TICRR: variants seen among roughly 807,000 people sequenced by gnomAD.
TICRR encodes treslin.
In TICRR, 132 loss-of-function variants were observed where a neutral mutation model predicts 178.1. The ratio of observed to expected loss-of-function variants is 0.74; its 90% CI spans 0.64 to 0.86. TICRR has a LOEUF of 0.86. TICRR is among the 40% of genes least tolerant of loss of function. The pLI is 0.00. For synonymous variants in TICRR, 991 were observed against 900.7 expected (o/e 1.10, Z -1.79); for missense variants, 2,587 against 2,334.3 (o/e 1.11, Z -2.23).
intron 7 of TICRR, 48 bp downstream of exon 7, chr15:89,595,659 A>C (rs1302119207): frequency 4.9e-6 from 7 of 1,436,196 alleles, no homozygotes; most frequent in African/African-American, 1.4e-5. Context: ...CGCTTTTTTA[A>C]AAATAAAATT....
rs370078041 is a variant in TICRR at position 89,624,721 on chromosome 15, G to A, written c.4411G>A (p.Glu1471Lys). ...TEHVTLLSEA[E>K]HHGIGDLKSN... The stretch of plus-strand genomic sequence containing the variant: ...GCATGTCACTCTCCTCAGTGAAGCC[G>A]AACACCATGGCATTGGTGACTTGAA... The change falls in exon 20 of 22, where the codon GAA (glutamate) becomes AAA (lysine). Residue 1471 changes from glutamate (E) to lysine (K), a missense_variant. Glu to Lys is a moderately conservative substitution (Grantham distance 56). Transcript: ENST00000268138. 49 of 1,613,986 alleles carry A rather than the reference G, an allele frequency of 3.0e-5. No homozygotes were observed. In the East Asian group the frequency reaches 7.1e-4, roughly 23 times the overall value.
intron 21 of TICRR, among the ~76,000 whole-genome samples, 175 bp downstream of exon 21, chr15:89,626,236 G>A (rs1392543462): frequency 1.3e-5 from 2 of 152,174 alleles, no homozygotes. Context: ...ATTAGAACTT[G>A]TGTGCATGTG....
intron 13 of TICRR, 29 bp downstream of exon 13, chr15:89,602,921 A>G: frequency 3.9e-6 from 5 of 1,288,080 alleles, no homozygotes; most frequent in Non-Finnish European, 4.2e-6. Context: ...TTGAGATGAC[A>G]CAGTAAATAA....
rs901013150 is a variant in TICRR, at chr15:89,575,852, A to T, written c.266A>T (p.His89Leu). The T allele has an allele frequency of 6.3e-7, 1 of 1,585,298 alleles. No individual in the cohort carries two copies. The highest frequency in any genetic ancestry group is 1.3e-5 in the African/African-American group (1 of 74,314). ...ELEARLEDRA[H>L]LPGPAPRATH... ...GAGGCCAGGCTCGAGGATCGCGCCC[A>T]CCTGCCCGGCCCGGCGCCCAGGGCC... The change falls in exon 1 of 22, where the codon CAC (histidine) becomes CTC (leucine). Residue 89 changes from histidine (H) to leucine (L), a missense_variant. Transcript: ENST00000268138.
Position 89,625,404 on chromosome 15 carries a change from C to T in TICRR, c.5094C>T (p.Ser1698=), listed in dbSNP as rs988277052. Residue 1698 remains serine, a synonymous_variant, in exon 20 of 22, where the codon TCC becomes TCT. Coordinates refer to ENST00000268138, the MANE Select transcript of TICRR (RefSeq NM_152259.4). The part of the protein sequence containing the change: ...RKRAVGCGAG[S]SSGRGEVGAD... ...GGGCGGTGGGCTGTGGCGCCGGCTCCTCTTCCGGGAGGGGCGAGGTCGGTG... is the reference window on the plus strand; with the variant it reads ...GGGCGGTGGGCTGTGGCGCCGGCTCTTCTTCCGGGAGGGGCGAGGTCGGTG... 4 of 1,613,886 alleles carry T rather than the reference C, an allele frequency of 2.5e-6. No homozygotes were observed. Among genetic ancestry groups the T allele is most frequent in the East Asian group, 4.5e-5 (2 of 44,864 alleles).
rs1265161765 is a variant in TICRR at position 89,575,769 on chromosome 15, C to T, written c.183C>T (p.Arg61=). ...AGGGGGCGCGGAGCCGGCCGTCCCG[C>T]GTGTCTGACTTCCGCGAGCTGGGGT... The part of the protein sequence containing the change: ...DSQGARSRPS[R]VSDFRELGSR... Residue 61 remains arginine (R), a synonymous_variant, in exon 1 of 22, where the codon CGC becomes CGT. Transcript: ENST00000268138. The T allele has an allele frequency of 6.2e-7, 1 of 1,609,198 alleles. No homozygotes were observed.
Position 89,621,436 on chromosome 15 carries a change from G to T in TICRR, c.3198G>T (p.Lys1066Asn), listed in dbSNP as rs756678525. 3 of 1,613,960 alleles carry T rather than the reference G, an allele frequency of 1.9e-6. No homozygotes were observed. In the East Asian group the frequency reaches 6.7e-5, roughly 36 times the overall value. ...NSPVQSIRSP[K>N]SLLFGAMSEM... The stretch of plus-strand genomic sequence containing the variant: ...CAGTCCAAAGTATTCGGTCTCCCAA[G>T]AGTCTTCTTTTTGGGGCAATGTCTG... Residue 1066 changes from lysine to asparagine, a missense_variant, in exon 19 of 22, where the codon AAG becomes AAT. Coordinates refer to ENST00000268138, the MANE Select transcript of TICRR (RefSeq NM_152259.4).
chr15:89,582,791 C>T lies in TICRR; in HGVS notation c.760C>T (p.Gln254Ter). Residue 254 changes from glutamine to a stop codon, truncating the protein, a stop_gained, in exon 2 of 22, where the codon CAA becomes TAA. Coordinates refer to ENST00000268138, the MANE Select transcript of TICRR (RefSeq NM_152259.4). LOFTEE classifies it high-confidence loss of function. ...PSESFSWDFAQAGEMLLRSGI... is the reference protein window; with the variant it reads ...PSESFSWDFA ...TGAATCTTTCAGCTGGGATTTTGCT[C>T]AAGCTGGGGAAATGCTGCTCAGGAG... 1 of 1,614,176 alleles carries T rather than the reference C, an allele frequency of 6.2e-7. No individual in the cohort carries two copies. Among genetic ancestry groups the T allele is most frequent in the South Asian group, 1.1e-5 (1 of 91,080 alleles).
At chr15:89,617,689 CTTTTT>C (rs35732953) in intron 16 of TICRR, among the ~76,000 whole-genome samples, 5 of 98,770 alleles carry the variant, frequency 5.1e-5, no homozygotes, top group Admixed American at 2.2e-4. Context: ...ACCCAGCTAT[CTTTTT>C]TTTTTTTTTT....
intron 10 of TICRR, 31 bp from the exon 11 acceptor site, chr15:89,601,458 C>CTA (rs749782964): frequency 1.7e-4 from 277 of 1,613,254 alleles, no homozygotes; most frequent in Non-Finnish European, 2.2e-4. Flanking sequence ...CAGAGGGCAT[C>CTA]TATATAGTAA....
chr15:89,625,957 G>A lies in TICRR; in HGVS notation c.5498G>A (p.Cys1833Tyr). The stretch of plus-strand genomic sequence containing the variant: ...TTAGGCTCCACCCCACCTCCCAGCT[G>A]TGCCGTGCGGAGCTGCCTCTCTGCC... ...FVSGSTPPPSCAVRSCLSASA... is the reference protein window; with the variant it reads ...FVSGSTPPPSYAVRSCLSASA... The change falls in exon 21 of 22, where the codon TGT becomes TAT. Residue 1833 changes from cysteine (C) to tyrosine (Y), a missense_variant. Physicochemically the swap from Cys to Tyr is radical, Grantham distance 194 (BLOSUM62 -2). Transcript: ENST00000268138. 1.3e-6 allele frequency: 2 copies of A among 1,588,270 alleles called. No homozygotes were observed. The highest frequency in any genetic ancestry group is 1.7e-6 in the Non-Finnish European group (2 of 1,169,770).
chr15:89,601,420 T>TA, intron 10 of TICRR, 29 bp downstream of exon 10: 1 of 1,612,942 alleles, frequency 6.2e-7, no homozygotes, highest in Non-Finnish European at 8.5e-7. Context: ...GCCATTGAAA[T>TA]ACGCCCTAGA....
chr15:89,608,826 C>A lies in TICRR; in HGVS notation c.2746C>A (p.Leu916Ile). The A allele has an allele frequency of 6.2e-7, 1 of 1,601,334 alleles. No homozygotes were observed. Among genetic ancestry groups the A allele is most frequent in the Non-Finnish European group, 8.5e-7 (1 of 1,175,860 alleles). Residue 916 changes from leucine (L) to isoleucine (I), a missense_variant, in exon 15 of 22, where the codon CTT becomes ATT. Coordinates refer to ENST00000268138, the MANE Select transcript of TICRR (RefSeq NM_152259.4). ...VQEVTKVRRN[L>I]FNQELLSPSK... ...AGAAGTGACCAAAGTTCGAAGAAAT[C>A]TTTTCAACCAGGAATTGCTTTCCCC...
chr15:89,575,826 G>A lies in TICRR; in HGVS notation c.240G>A (p.Leu80=), dbSNP rs771671835. 8 of 1,598,280 alleles carry A rather than the reference G, an allele frequency of 5.0e-6. No homozygotes were observed. In the Admixed American group the frequency reaches 1.4e-4, roughly 27 times the overall value. The change falls in exon 1 of 22, where the codon CTG becomes CTA. Residue 80 remains leucine (L), a synonymous_variant. Transcript: ENST00000268138. ...SRSWEDFEEE[L]EARLEDRAHL... The stretch of plus-strand genomic sequence containing the variant: ...CGTGGGAGGACTTTGAGGAGGAGCT[G>A]GAGGCCAGGCTCGAGGATCGCGCCC...
chr15:89,580,896 G>A (rs1303934337), intron 1 of TICRR, among the ~76,000 whole-genome samples: 3 of 152,184 alleles, frequency 2.0e-5, no homozygotes, highest in African/African-American at 7.2e-5. Context: ...GCCAGGTGTG[G>A]TGGCACATGC....
intron 7 of TICRR, among the ~76,000 whole-genome samples, chr15:89,596,914 ATACT>A (rs1208062494): frequency 3.9e-5 from 6 of 152,142 alleles, no homozygotes; most frequent in African/African-American, 1.4e-4. Flanking sequence ...ATTTTCATTG[ATACT>A]TATTTATAAA....
chr15:89,624,382 C>A lies in TICRR; in HGVS notation c.4072C>A (p.Pro1358Thr), dbSNP rs767255970. Residue 1358 changes from proline to threonine, a missense_variant, in exon 20 of 22, where the codon CCC (proline) becomes ACC (threonine). Physicochemically the swap from Pro to Thr is conservative, Grantham distance 38. Transcript: ENST00000268138. ...SVAASLSCPV[P>T]STPPELSQRA... is the part of the protein sequence containing the mutation. ...AGCTGCATCTCTCTCCTGCCCTGTT[C>A]CCTCAACTCCCCCTGAACTCTCACA... The A allele has an allele frequency of 2.3e-5, 37 of 1,613,994 alleles. No homozygotes were observed. The highest frequency in any genetic ancestry group is 3.1e-5 in the Non-Finnish European group (37 of 1,179,996).
chr15:89,580,140 C>T (rs998289192), intron 1 of TICRR: 5 of 152,342 alleles, frequency 3.3e-5, no homozygotes, highest in Non-Finnish European at 7.3e-5. Flanking sequence ...GCATCAGCCT[C>T]CCTGGTAGCT....
chr15:89,594,969 T>C (rs993838985), intron 6 of TICRR, among the ~76,000 whole-genome samples: 3 of 152,232 alleles, frequency 2.0e-5, no homozygotes, highest in African/African-American at 7.2e-5. Context: ...TAATTTGTTT[T>C]TTAAGTAATT....
Sources: allele counts gnomAD v4.1 joint callset (sites outside exome capture counted in the v4.1 genomes callset), GRCh38; gene constraint gnomAD v4.1.1; transcripts MANE v1.5; gene names NCBI Gene and HGNC (gene_info 2026-07-23, HGNC 2026-07-21).